ZSCAN5A: variants seen among roughly 807,000 people sequenced by gnomAD.
ZSCAN5A encodes zinc finger and SCAN domain-containing protein 5A.
Under a neutral mutation model 23.7 loss-of-function variants are expected in ZSCAN5A, and 12 were observed. The ratio of observed to expected loss-of-function variants is 0.51; its 90% confidence interval spans 0.32 to 0.82. The LOEUF is 0.82. Ranked by LOEUF, ZSCAN5A falls within the 40% of genes least tolerant of loss-of-function variation. The probability of loss-of-function intolerance (pLI) is 0.03; values close to 1 mark genes in which losing one functional copy is unlikely to be tolerated. For synonymous variants in ZSCAN5A, 257 were observed against 239.9 expected, an observed-to-expected ratio of 1.07 and a Z score of -0.66; for missense variants, 597 against 617.9, an observed-to-expected ratio of 0.97 and a Z score of 0.36.
At chr19:56,237,470 G>A (rs1430226223) in intron 2 of ZSCAN5A, among the ~76,000 whole-genome samples, 2 of 152,118 alleles carry the variant, frequency 1.3e-5, no homozygotes, top group African/African-American at 2.4e-5. Flanking sequence ...TGTTCAGGGC[G>A]GGTTTAGGGT....
At chr19:56,241,827 TA>T (rs1295911214) in intron 2 of ZSCAN5A, among the ~76,000 whole-genome samples, 1 of 152,238 alleles carries the variant, frequency 6.6e-6, no homozygotes, top group Non-Finnish European at 1.5e-5. Flanking sequence ...ACTTCTTTTT[TA>T]ATTTTTTAAA....
chr19:56,267,223 A>G (rs1305234862), intron 2 of ZSCAN5A, among the ~76,000 whole-genome samples: 1 of 152,038 alleles, frequency 6.6e-6, no homozygotes, highest in Non-Finnish European at 1.5e-5. Context: ...ATGAAATTAT[A>G]TATGTGTTTG....
intron 2 of ZSCAN5A, among the ~76,000 whole-genome samples, chr19:56,327,643 A>G (rs1321080369): frequency 3.3e-5 from 5 of 151,448 alleles, no homozygotes; most frequent in Admixed American, 3.3e-4. Flanking sequence ...ATATAAGTGC[A>G]TGCATATCTT....
intron 5 of ZSCAN5A, 100 bp downstream of exon 5, chr19:56,222,491 C>T: frequency 1.9e-6 from 3 of 1,555,398 alleles, no homozygotes; most frequent in South Asian, 2.5e-5. Flanking sequence ...GCTTTGACAG[C>T]TGAGTGCCAA....
chr19:56,234,636 C>G (rs2034729331), intron 2 of ZSCAN5A, among the ~76,000 whole-genome samples: 1 of 152,210 alleles, frequency 6.6e-6, no homozygotes, highest in African/African-American at 2.4e-5. Context: ...TTCATAGATT[C>G]CAGACATTGT....
intron 2 of ZSCAN5A, among the ~76,000 whole-genome samples, chr19:56,274,202 C>T (rs2038073218): frequency 6.6e-6 from 1 of 151,982 alleles, no homozygotes; most frequent in Non-Finnish European, 1.5e-5. Context: ...ACCTGTAATC[C>T]CAGCACTTTG....
At chr19:56,314,980 A>G (rs1401703979), upstream of ZSCAN5A, 1 of 152,188 alleles carries the variant, frequency 6.6e-6, no homozygotes, top group Non-Finnish European at 1.5e-5. Flanking sequence ...TTCCCCCACA[A>G]ATAACAGTGA....
chr19:56,292,464 T>A (rs2039579905), intron 2 of ZSCAN5A, among the ~76,000 whole-genome samples: 1 of 151,734 alleles, frequency 6.6e-6, no homozygotes, highest in African/African-American at 2.4e-5. Context: ...TTTACTTTTT[T>A]TTTTTTTACT....
intron 2 of ZSCAN5A, among the ~76,000 whole-genome samples, chr19:56,292,458 C>CT (rs899365291): frequency 1.6e-3 from 215 of 135,152 alleles, no homozygotes; most frequent in African/African-American, 3.9e-3. Context: ...TCTGTTTTTA[C>CT]TTTTTTTTTT....
chr19:56,257,885 C>T (rs112100077), intron 2 of ZSCAN5A, among the ~76,000 whole-genome samples: 21 of 116,568 alleles, frequency 1.8e-4, no homozygotes, highest in African/African-American at 1.0e-3. Flanking sequence ...TCCTGCCTCC[C>T]ACCACTGCCC....
chr19:56,283,493 A>C (rs2038869667), intron 2 of ZSCAN5A: 1 of 152,304 alleles, frequency 6.6e-6, no homozygotes, highest in South Asian at 2.1e-4. Flanking sequence ...TGCCCACATC[A>C]ATATTCCCAA....
rs561965410 is a variant in ZSCAN5A, at chr19:56,236,776, G to A, written c.-127-11603C>T. On this transcript the variant is annotated intron_variant, in intron 2 of 5. Coordinates refer to ENST00000683990, the MANE Select transcript of ZSCAN5A (RefSeq NM_001322064.3). ...CAAGCCTCCACTCCAGCCTCTGATG[G>A]ACGGTGGGCCAAGCCTCCATTCCAG... Among the ~76,000 whole-genome samples, 361 of 146,352 alleles carry A rather than the reference G, an allele frequency of 2.5e-3. 2 individuals carry two copies. The highest frequency in any genetic ancestry group is 7.1e-3 in the Middle Eastern group (2 of 282).
chr19:56,280,666 T>A (rs528458698), intron 2 of ZSCAN5A: 4 of 152,134 alleles, frequency 2.6e-5, no homozygotes, highest in Non-Finnish European at 5.9e-5. Flanking sequence ...GATTGAGGGG[T>A]TGGCATCTTG....
At chr19:56,302,655 CT>C (rs370140035) in intron 2 of ZSCAN5A, among the ~76,000 whole-genome samples, 5,921 of 130,398 alleles carry the variant, frequency 0.045, 177 homozygotes, top group African/African-American at 0.066. Flanking sequence ...TCTTCCCCCC[CT>C]CCCTGTTCTT....
intron 2 of ZSCAN5A, among the ~76,000 whole-genome samples, chr19:56,344,215 G>T (rs2041614650): frequency 1.3e-5 from 2 of 152,234 alleles, no homozygotes; most frequent in African/African-American, 4.8e-5. Context: ...AAACGAAGAT[G>T]ATAACAGTCC....
intron 2 of ZSCAN5A, among the ~76,000 whole-genome samples, chr19:56,332,440 T>G (rs1415285093): frequency 1.3e-5 from 2 of 152,222 alleles, no homozygotes; most frequent in Non-Finnish European, 2.9e-5. Flanking sequence ...TTATTTTTGT[T>G]GTTTTAAAGT....
chr19:56,264,995 G>A (rs182724432), intron 2 of ZSCAN5A, among the ~76,000 whole-genome samples: 5 of 151,990 alleles, frequency 3.3e-5, no homozygotes, highest in Admixed American at 6.6e-5. Flanking sequence ...GGTGGCAGGC[G>A]CCTGTAATCC....
intron 2 of ZSCAN5A, among the ~76,000 whole-genome samples, chr19:56,331,477 C>T (rs945606247): frequency 3.4e-5 from 5 of 146,322 alleles, no homozygotes; most frequent in African/African-American, 1.3e-4. Context: ...TTTTTTTCAG[C>T]AGTGTTCTGT....
chr19:56,254,651 T>TG (rs1197605872), intron 2 of ZSCAN5A, among the ~76,000 whole-genome samples: 143 of 134,290 alleles, frequency 1.1e-3, no homozygotes, highest in African/African-American at 3.1e-3. Flanking sequence ...TGTTTAATTT[T>TG]TGGGGGGGGC....
Sources: gnomAD v4.1 joint callset for allele counts (sites outside exome capture counted in the v4.1 genomes callset) on GRCh38, gnomAD v4.1.1 for gene constraint, MANE v1.5 for transcripts, NCBI Gene and HGNC (gene_info 2026-07-23, HGNC 2026-07-21) for gene names.